Variants in CFAP61 observed in about 807,000 individuals in gnomAD.
The protein encoded by CFAP61 is cilia- and flagella-associated protein 61.
In CFAP61, 107 loss-of-function variants were observed where a neutral mutation model predicts 135.6. The ratio of observed to expected loss-of-function variants is 0.79; its 90% CI spans 0.67 to 0.93. The LOEUF (loss-of-function observed/expected upper bound fraction) is 0.93. Ranked by LOEUF, CFAP61 falls within the 40% of genes least tolerant of loss-of-function variation. The pLI, the probability that CFAP61 is intolerant of heterozygous loss-of-function variation, is 0.00. For synonymous variants in CFAP61, 575 were observed against 578.5 expected, an observed-to-expected ratio of 0.99 and a Z score of 0.09; for missense variants, 1,507 against 1,556.2, an observed-to-expected ratio of 0.97 and a Z score of 0.53.
At chr20:20,332,813 G>A (rs146619804) in intron 25 of CFAP61, among the ~76,000 whole-genome samples, 29 of 152,150 alleles carry the variant, frequency 1.9e-4, no homozygotes, top group East Asian at 1.2e-3. Context: ...AGAGACAAGC[G>A]TCTCCCTATG....
At chr20:20,089,348 A>G (rs910076497) in intron 6 of CFAP61, among the ~76,000 whole-genome samples, 7 of 152,094 alleles carry the variant, frequency 4.6e-5, no homozygotes, top group Non-Finnish European at 1.0e-4. Context: ...ACTGTGAGAA[A>G]CACAGTAGCA....
intron 25 of CFAP61, among the ~76,000 whole-genome samples, chr20:20,299,415 C>T (rs2055894694): frequency 6.6e-6 from 1 of 152,144 alleles, no homozygotes; most frequent in Admixed American, 6.5e-5. Context: ...GATATAGCCT[C>T]AGTTGCAAGT....
At chr20:20,312,188 A>G (rs1438549421) in intron 25 of CFAP61, among the ~76,000 whole-genome samples, 1 of 152,206 alleles carries the variant, frequency 6.6e-6, no homozygotes, top group Non-Finnish European at 1.5e-5. Flanking sequence ...GAGGAGAAAA[A>G]TCAATCAACA....
chr20:20,256,320 A>C (rs1253559188), intron 20 of CFAP61, among the ~76,000 whole-genome samples: 2 of 152,206 alleles, frequency 1.3e-5, no homozygotes, highest in Admixed American at 6.5e-5. Context: ...AAAAGATAAC[A>C]CAGTAAGAGA....
At chr20:20,155,324 A>G (rs2052800850) in intron 9 of CFAP61, among the ~76,000 whole-genome samples, 1 of 152,224 alleles carries the variant, frequency 6.6e-6, no homozygotes. Flanking sequence ...TAAAAATTCT[A>G]GAAGATAACA....
intron 25 of CFAP61, among the ~76,000 whole-genome samples, chr20:20,304,959 G>C (rs1029573104): frequency 1.4e-4 from 22 of 152,156 alleles, no homozygotes; most frequent in Admixed American, 3.9e-4. Context: ...TTAGCAGTCT[G>C]TGCATCCTTT....
chr20:20,291,359 A>T (rs2424331), intron 24 of CFAP61, among the ~76,000 whole-genome samples: 1 of 152,140 alleles, frequency 6.6e-6, no homozygotes, highest in Non-Finnish European at 1.5e-5. Context: ...ACTGATCTTC[A>T]TACTGTCTCA....
At chr20:20,087,672 T>C (rs960208759) in intron 6 of CFAP61, among the ~76,000 whole-genome samples, 2 of 152,144 alleles carry the variant, frequency 1.3e-5, no homozygotes, top group African/African-American at 2.4e-5. Context: ...CTTTTTGGTT[T>C]CTCCTGCCTA....
At chr20:20,117,919 A>G (rs956692734) in intron 8 of CFAP61, among the ~76,000 whole-genome samples, 53 of 152,144 alleles carry the variant, frequency 3.5e-4, no homozygotes, top group African/African-American at 1.2e-3. Flanking sequence ...AATACTACTG[A>G]TTTTTGTATT....
At chr20:20,298,132 T>A (rs1250536084) in intron 24 of CFAP61, 49 bp from the exon 25 acceptor site, 1 of 1,341,768 alleles carries the variant, frequency 7.5e-7, no homozygotes, top group African/African-American at 1.4e-5. Context: ...GTTCCCAAAA[T>A]CCAGGAATGT....
intron 22 of CFAP61, 111 bp downstream of exon 22, chr20:20,277,569 A>AT (rs1158056148): frequency 1.6e-6 from 2 of 1,230,066 alleles, no homozygotes; most frequent in Non-Finnish European, 2.3e-6. Flanking sequence ...CAGATGTTGG[A>AT]TTTTGTTTTC....
At chr20:20,091,444 T>C (rs2047192607) in intron 7 of CFAP61, among the ~76,000 whole-genome samples, 1 of 152,140 alleles carries the variant, frequency 6.6e-6, no homozygotes, top group Admixed American at 6.5e-5. Context: ...CCCCATTTGT[T>C]TTATCATTCT....
chr20:20,228,110 G>A (rs1800682649), intron 17 of CFAP61, 139 bp from the exon 18 acceptor site: 2 of 586,212 alleles, frequency 3.4e-6, no homozygotes, highest in Non-Finnish European at 5.7e-6. Context: ...GCATTTTATG[G>A]TGGCTGTACA....
chr20:20,196,750 G>C lies in CFAP61; in HGVS notation c.1771G>C (p.Val591Leu). Residue 591 changes from valine to leucine, a missense_variant, in exon 16 of 27, where the codon GTT (valine) becomes CTT (leucine). Physicochemically the swap from Val to Leu is conservative, Grantham distance 32 (BLOSUM62 1). Transcript: ENST00000245957. ...CTTTAAATCCTGTCTCTACTACCGTGTTTACCCAAAATCCAGAGAAGGCAA... is the reference window on the plus strand; with the variant it reads ...CTTTAAATCCTGTCTCTACTACCGTCTTTACCCAAAATCCAGAGAAGGCAA... ...LGFKSCLYYR[V>L]YPKSREGKFQ... The C allele has an allele frequency of 6.2e-7, 1 of 1,614,172 alleles. No individual in the cohort carries two copies.
intron 22 of CFAP61, among the ~76,000 whole-genome samples, chr20:20,285,280 G>GTTTTTTTTTTTTTTTTT (rs74180987): frequency 7.0e-6 from 1 of 143,566 alleles, no homozygotes. Flanking sequence ...AGCATGGTTT[G>GTTTTTTTTTTTTTTTTT]TTTTTTTTGT....
intron 25 of CFAP61, among the ~76,000 whole-genome samples, chr20:20,336,789 A>G (rs2058207313): frequency 6.6e-6 from 1 of 152,192 alleles, no homozygotes; most frequent in African/African-American, 2.4e-5. Context: ...CAAGAGGGCC[A>G]CAGTGCCAGG....
chr20:20,311,111 T>C lies in CFAP61; in HGVS notation c.3422+12725T>C, dbSNP rs372892446. On this transcript the variant is annotated intron_variant, in intron 25 of 26. Coordinates refer to ENST00000245957, the MANE Select transcript of CFAP61 (RefSeq NM_015585.4). ...AAATCATGCTACACAGTATCTTGAGTGTGGCTGGCTGAAACAGTCTACAGT... is the reference window on the plus strand; with the variant it reads ...AAATCATGCTACACAGTATCTTGAGCGTGGCTGGCTGAAACAGTCTACAGT... 5.8e-4 allele frequency among the ~76,000 whole-genome samples: 89 copies of C among 152,334 alleles called. No individual in the cohort carries two copies. The South Asian group carries it at 0.011, about 18-fold the overall frequency.
chr20:20,221,709 C>T (rs1205048659), intron 17 of CFAP61: 1 of 152,188 alleles, frequency 6.6e-6, no homozygotes, highest in African/African-American at 2.4e-5. Flanking sequence ...ATCTCCTTGT[C>T]ATCTTTTATT....
intron 17 of CFAP61, among the ~76,000 whole-genome samples, chr20:20,224,536 T>A (rs777755938): frequency 6.6e-6 from 1 of 152,182 alleles, no homozygotes; most frequent in Non-Finnish European, 1.5e-5. Context: ...CACCATGCTG[T>A]ATGGTTTGTT....
Sources: gnomAD v4.1 joint callset for allele counts (sites outside exome capture counted in the v4.1 genomes callset) on GRCh38, gnomAD v4.1.1 for gene constraint, MANE v1.5 for transcripts, NCBI Gene and HGNC (gene_info 2026-07-23, HGNC 2026-07-21) for gene names.